Variants in TXNRD1 observed in about 807,000 individuals in gnomAD.
The protein encoded by TXNRD1 is thioredoxin reductase 1, cytoplasmic.
A neutral mutation model predicts 80.3 loss-of-function variants in TXNRD1; 57 were observed. That is an observed-to-expected ratio of 0.71 (90% CI 0.57 to 0.89). TXNRD1 has a LOEUF of 0.89. Ranked by LOEUF, TXNRD1 falls within the 40% of genes least tolerant of loss-of-function variation. The pLI is 0.00. For missense variants in TXNRD1, 730 were observed against 803.0 expected, an observed-to-expected ratio of 0.91 and a Z score of 1.10; for synonymous variants, 291 against 285.2, an observed-to-expected ratio of 1.02 and a Z score of -0.20.
In TXNRD1 at chr12:104,319,005, G is replaced by A; in HGVS notation, c.823G>A (p.Val275Ile). The A allele has an allele frequency of 1.2e-6, 2 of 1,613,884 alleles. No individual in the cohort carries two copies. The highest frequency in any genetic ancestry group is 1.7e-6 in the Non-Finnish European group (2 of 1,179,864). ...CCGAGTAGCTCTGCGGGAGAAAAAAGTCGTCTATGAGAATGCTTATGGGCA... is the reference window on the plus strand; with the variant it reads ...CCGAGTAGCTCTGCGGGAGAAAAAAATCGTCTATGAGAATGCTTATGGGCA... ...GYRVALREKK[V>I]VYENAYGQFI... The change falls in exon 8 of 17, where the codon GTC (valine) becomes ATC (isoleucine). Residue 275 changes from valine to isoleucine, a missense_variant. Transcript: ENST00000525566.
chr12:104,268,732 G>A (rs1202662912), intron 3 of TXNRD1, among the ~76,000 whole-genome samples: 4 of 152,022 alleles, frequency 2.6e-5, no homozygotes, highest in African/African-American at 9.6e-5. Flanking sequence ...GGCCAGGCTG[G>A]TCTCGAACTC....
At chr12:104,293,760 G>A (rs1485941764) in intron 4 of TXNRD1, among the ~76,000 whole-genome samples, 1 of 152,162 alleles carries the variant, frequency 6.6e-6, no homozygotes, top group Non-Finnish European at 1.5e-5. Flanking sequence ...AAGAGAAAAG[G>A]CAGCTGGGCC....
intron 15 of TXNRD1, among the ~76,000 whole-genome samples, chr12:104,334,955 C>CA (rs1565912013): frequency 6.6e-6 from 1 of 151,996 alleles, no homozygotes; most frequent in Non-Finnish European, 1.5e-5. Flanking sequence ...TAATGAATAA[C>CA]AAAAAAGAAC....
chr12:104,224,068 G>A (rs191836302), intron 1 of TXNRD1, among the ~76,000 whole-genome samples: 177 of 152,304 alleles, frequency 1.2e-3, no homozygotes, highest in African/African-American at 3.8e-3. Flanking sequence ...GATGAAGGAC[G>A]TGTGACAAGT....
chr12:104,272,800 A>G (rs959402375), intron 3 of TXNRD1, among the ~76,000 whole-genome samples: 6 of 151,722 alleles, frequency 4.0e-5, no homozygotes, highest in African/African-American at 1.2e-4. Flanking sequence ...TAAAAAAAAA[A>G]AAAGAAAAGA....
chr12:104,301,805 T>A (rs1223036639), intron 4 of TXNRD1, among the ~76,000 whole-genome samples: 1 of 152,220 alleles, frequency 6.6e-6, no homozygotes, highest in South Asian at 2.1e-4. Flanking sequence ...ACAGATACGA[T>A]CCTTGAATGA....
intron 4 of TXNRD1, 87 bp downstream of exon 4, chr12:104,289,127 G>T (rs2034084791): frequency 2.0e-6 from 3 of 1,483,360 alleles, no homozygotes; most frequent in South Asian, 1.3e-5. Flanking sequence ...AGCCAGCGTG[G>T]ATGTGACCCT....
At chr12:104,319,412 A>C (rs2035451777) in intron 8 of TXNRD1, 58 bp from the exon 9 acceptor site, 2 of 1,117,586 alleles carry the variant, frequency 1.8e-6, no homozygotes, top group Non-Finnish European at 2.6e-6. Context: ...TTAACTATGA[A>C]GTTTACAATT....
At chr12:104,243,066 A>C (rs4545635) in intron 1 of TXNRD1, among the ~76,000 whole-genome samples, 138,310 of 152,232 alleles carry the variant, frequency 0.91, 63,076 homozygotes, top group African/African-American at 0.98. Flanking sequence ...AGAGCTATAA[A>C]CAGGATATTG....
At chr12:104,291,109 A>G (rs1231983764) in intron 4 of TXNRD1, 1 of 631,930 alleles carries the variant, frequency 1.6e-6, no homozygotes, top group Non-Finnish European at 2.8e-6. Context: ...AGTGAGGTAT[A>G]GTGCCATGAA....
chr12:104,226,845 A>G (rs897486728), intron 1 of TXNRD1, among the ~76,000 whole-genome samples: 3 of 152,178 alleles, frequency 2.0e-5, no homozygotes, highest in Non-Finnish European at 4.4e-5. Flanking sequence ...GTAATTTCCC[A>G]TGTATTATCT....
At chr12:104,292,882 G>A (rs2034276693) in intron 4 of TXNRD1, among the ~76,000 whole-genome samples, 1 of 152,202 alleles carries the variant, frequency 6.6e-6, no homozygotes, top group Admixed American at 6.5e-5. Context: ...TTAGAAAACA[G>A]CAAATAGGAA....
At chr12:104,264,282 G>A (rs10778311) in intron 3 of TXNRD1, among the ~76,000 whole-genome samples, 103,480 of 152,038 alleles carry the variant, frequency 0.68, 35,356 homozygotes, top group East Asian at 0.85. Flanking sequence ...GGTGGACAAA[G>A]GTAGTGGGTA....
intron 16 of TXNRD1, among the ~76,000 whole-genome samples, chr12:104,346,626 A>T (rs1319938104): frequency 6.6e-6 from 1 of 152,218 alleles, no homozygotes; most frequent in African/African-American, 2.4e-5. Context: ...TTTTATTATC[A>T]TGTATTGTTT....
intron 2 of TXNRD1, among the ~76,000 whole-genome samples, chr12:104,257,403 CTTTTTTTTTT>C (rs57917719): frequency 6.5e-5 from 5 of 76,986 alleles, no homozygotes; most frequent in African/African-American, 2.4e-4. Flanking sequence ...TGTTCCAATG[CTTTTTTTTTT>C]TTTTTTTTTT....
At chr12:104,346,126 C>A (rs2036482971) in intron 16 of TXNRD1, 1 of 546,994 alleles carries the variant, frequency 1.8e-6, no homozygotes, top group Non-Finnish European at 3.2e-6. Context: ...GATGTTCCTG[C>A]CTCAGTCTCC....
intron 1 of TXNRD1, among the ~76,000 whole-genome samples, chr12:104,223,485 C>T (rs570543235): frequency 3.8e-4 from 58 of 152,310 alleles, no homozygotes; most frequent in African/African-American, 1.4e-3. Context: ...AGGAATAGAA[C>T]TTAGCAAACA....
At chr12:104,319,703 T>C in intron 9 of TXNRD1, 118 bp downstream of exon 9, 1 of 743,232 alleles carries the variant, frequency 1.3e-6, no homozygotes, top group East Asian at 2.7e-5. Flanking sequence ...TGCCACATTG[T>C]GCCCTCTCTG....
chr12:104,225,715 CTTTT>C (rs35057067), intron 1 of TXNRD1, among the ~76,000 whole-genome samples: 1 of 141,482 alleles, frequency 7.1e-6, no homozygotes, highest in Non-Finnish European at 1.5e-5. Context: ...AATTAAACCT[CTTTT>C]TTTTTTTTTT....
Sources: gnomAD v4.1 joint callset for allele counts (sites outside exome capture counted in the v4.1 genomes callset) on GRCh38, gnomAD v4.1.1 for gene constraint, MANE v1.5 for transcripts, NCBI Gene and HGNC (gene_info 2026-07-23, HGNC 2026-07-21) for gene names.